Variants in TRPV1 observed in about 807,000 individuals in gnomAD.
TRPV1 encodes OTRPC1.
TRPV1 carries 82 observed loss-of-function variants against 82.3 expected under a neutral mutation model. The ratio of observed to expected loss-of-function variants is 1.00; its 90% CI spans 0.83 to 1.20. The LOEUF is 1.20. Among genes scored for constraint, TRPV1 ranks in the 50% most tolerant of loss-of-function variants. TRPV1 has a pLI of 0.00. For synonymous variants in TRPV1, 515 were observed against 467.7 expected (o/e 1.10, Z -1.30); for missense variants, 1,067 against 1,096.8 (o/e 0.97, Z 0.38).
chr17:3,582,665 A>G (rs1379995361), intron 10 of TRPV1, among the ~76,000 whole-genome samples: 1 of 152,100 alleles, frequency 6.6e-6, no homozygotes, highest in African/African-American at 2.4e-5. Context: ...GGTTAAAAAT[A>G]AAACAATTCC....
rs2150818331 is a variant in TRPV1 at position 3,565,775 on chromosome 17, A to C, written c.*1040T>G. ...ACCACCCGGGCAGGTAAGAGGAGCA[A>C]GCACGGCACAGAGAGGAAGGGCCTC... On this transcript the variant is annotated 3_prime_UTR_variant, in exon 17 of 17. Coordinates refer to ENST00000572705, the MANE Select transcript of TRPV1 (RefSeq NM_080704.4). 1 of 152,434 alleles carries C rather than the reference A, an allele frequency of 6.6e-6. No individual in the cohort carries two copies. The highest frequency in any genetic ancestry group is 2.4e-5 in the African/African-American group (1 of 41,582). The allele number at this position is 152,434 out of a possible 1,614,324, so 9.4% of individuals were successfully genotyped here.
chr17:3,595,036 T>C (rs1419796318), intron 2 of TRPV1, among the ~76,000 whole-genome samples: 4 of 152,038 alleles, frequency 2.6e-5, no homozygotes, highest in Non-Finnish European at 5.9e-5. Context: ...TTTGGAAGCC[T>C]GGGGGGCCGG....
Position 3,588,292 on chromosome 17 carries a change from C to A in TRPV1, c.1120G>T (p.Ala374Ser). ...AGCGAGGAGTGCACGGGCCCGTAGG[C>A]CCACTCGGTGAACTTCCTGGACAGG... ...RHLSRKFTEW[A>S]YGPVHSSLYD... Residue 374 changes from alanine to serine, a missense_variant, in exon 8 of 17, where the codon GCC becomes TCC. Coordinates refer to ENST00000572705, the MANE Select transcript of TRPV1 (RefSeq NM_080704.4). 1 of 1,575,826 alleles carries A rather than the reference C, an allele frequency of 6.3e-7. No homozygotes were observed. The highest frequency in any genetic ancestry group is 8.6e-7 in the Non-Finnish European group (1 of 1,161,328).
Position 3,590,303 on chromosome 17 carries a change from C to T in TRPV1, c.694G>A (p.Ala232Thr), listed in dbSNP as rs755798204. 1.2e-6 allele frequency: 2 copies of T among 1,614,000 alleles called. No homozygotes were observed. The highest frequency in any genetic ancestry group is 2.2e-5 in the East Asian group (1 of 44,884). ...GTTTTCTTAAAGAAGTCCCCATGGG[C>T]CGCAGCCTGGACGTCTGCTCCGTTC... is the stretch of plus-strand genomic sequence containing the variant. ...VENGADVQAA[A>T]HGDFFKKTKG... Residue 232 changes from alanine (A) to threonine (T), a missense_variant, in exon 6 of 17, where the codon GCC becomes ACC. By Grantham distance (58) the Ala-to-Thr change is moderately conservative. Transcript: ENST00000572705.
chr17:3,588,669 C>G (rs918392806), intron 7 of TRPV1, among the ~76,000 whole-genome samples: 2 of 152,026 alleles, frequency 1.3e-5, no homozygotes, highest in Non-Finnish European at 2.9e-5. Context: ...AAAAAATTAG[C>G]CGGGCATGGT....
At chr17:3,609,164 G>A (rs1176556831) in intron 1 of TRPV1, 145 bp downstream of exon 1, 3 of 152,230 alleles carry the variant, frequency 2.0e-5, no homozygotes, top group Non-Finnish European at 2.9e-5. Flanking sequence ...GGGATTACAG[G>A]CGGGAGCCAA....
chr17:3,585,793 G>A lies in TRPV1; in HGVS notation c.1358C>T (p.Ala453Val). 6.2e-7 allele frequency: 1 copy of A among 1,613,668 alleles called. No homozygotes were observed. The highest frequency in any genetic ancestry group is 8.5e-7 in the Non-Finnish European group (1 of 1,179,778). The stretch of plus-strand genomic sequence containing the variant: ...CAAGCCATCCACGGGCCTGTAGTAG[G>A]CAGCCATGGTGAAGATGATCATGTA... ...CLYMIIFTMAAYYRPVDGLPP... is the reference protein window; with the variant it reads ...CLYMIIFTMAVYYRPVDGLPP... Residue 453 changes from alanine (A) to valine (V), a missense_variant, in exon 9 of 17, where the codon GCC becomes GTC. Ala to Val is a moderately conservative substitution (Grantham distance 64). Transcript: ENST00000572705.
chr17:3,592,508 C>T (rs2150850639), intron 2 of TRPV1, 125 bp from the exon 3 acceptor site: 1 of 942,208 alleles, frequency 1.1e-6, no homozygotes, highest in Non-Finnish European at 1.5e-6. Context: ...TTGCTGCTGC[C>T]CCCAGCCCCC....
chr17:3,582,529 A>G (rs1349678708), intron 10 of TRPV1, among the ~76,000 whole-genome samples: 3 of 152,118 alleles, frequency 2.0e-5, no homozygotes, highest in Non-Finnish European at 4.4e-5. Context: ...CTTAGATTAT[A>G]TAAATATGGT....
At position 3,566,823 on chromosome 17, in the gene TRPV1, C is replaced by G. The variant is rs745703082; in HGVS notation, c.2512G>C (p.Glu838Gln). ...EVFKSPAASG[E>Q]K Reference sequence around the variant, plus strand: ...CTGTCTGCGTGACGTCCTCACTTCTCCCCGGAAGCGGCAGGACTCTTGAAG... The same window carrying G: ...CTGTCTGCGTGACGTCCTCACTTCTGCCCGGAAGCGGCAGGACTCTTGAAG... The change falls in exon 17 of 17, where the codon GAG becomes CAG. Residue 838 changes from glutamate (E) to glutamine (Q), a missense_variant. Coordinates refer to ENST00000572705, the MANE Select transcript of TRPV1 (RefSeq NM_080704.4). 6 of 1,613,744 alleles carry G rather than the reference C, an allele frequency of 3.7e-6. No homozygotes were observed. The South Asian group carries it at 5.5e-5, about 15-fold the overall frequency.
rs35781190 is a variant in TRPV1, at chr17:3,576,653, GAAAAA to G, written c.1780+468_1780+472del. On this transcript the variant is annotated intron_variant, in intron 13 of 16. Transcript: ENST00000572705. ...GGCAAGAGAGCTAGACTCTGTATGA[GAAAAA>G]AAAAAAAAAAATATATATATATATA... Among the ~76,000 whole-genome samples, 5 of 41,490 alleles carry G rather than the reference GAAAAA, an allele frequency of 1.2e-4. 1 individual carries two copies. Among genetic ancestry groups the G allele is most frequent in the African/African-American group, 3.7e-4 (5 of 13,622 alleles). The allele number at this position is 41,490 out of a possible 152,430, so 27.2% of individuals were successfully genotyped here.
At chr17:3,593,687 CCACA>C (rs755201287) in intron 2 of TRPV1, among the ~76,000 whole-genome samples, 1 of 152,204 alleles carries the variant, frequency 6.6e-6, no homozygotes, top group Non-Finnish European at 1.5e-5. Flanking sequence ...CCGCTGTCCT[CCACA>C]CAGTGGCCCA....
At chr17:3,576,677 A>ATATATATATATG (rs61265637) in intron 13 of TRPV1, among the ~76,000 whole-genome samples, 3,542 of 94,986 alleles carry the variant, frequency 0.037, 144 homozygotes, top group African/African-American at 0.042. Flanking sequence ...AAATATATAT[A>ATATATATATATG]TATATATATA....
chr17:3,571,174 A>T lies in TRPV1; in HGVS notation c.2347+350T>A, dbSNP rs137896910. ...TAGGACGTCGCATGCACACGTGCAG[A>T]GTGAGGAACAGGGCTGAGGAGGCAG... On this transcript the variant is annotated intron_variant, in intron 16 of 16. Coordinates refer to ENST00000572705, the MANE Select transcript of TRPV1 (RefSeq NM_080704.4). Among the ~76,000 whole-genome samples, 207 of 152,296 alleles carry T rather than the reference A, an allele frequency of 1.4e-3. 4 individuals carry two copies. In the East Asian group the frequency reaches 0.03, roughly 22 times the overall value.
At chr17:3,600,593 A>G (rs1394977753) in intron 2 of TRPV1, among the ~76,000 whole-genome samples, 1 of 152,190 alleles carries the variant, frequency 6.6e-6, no homozygotes, top group Non-Finnish European at 1.5e-5. Context: ...CATTTAAAAA[A>G]AACAAAACGA....
chr17:3,578,101 G>A (rs1255698608), intron 11 of TRPV1: 5 of 186,340 alleles, frequency 2.7e-5, no homozygotes, highest in East Asian at 2.4e-4. Context: ...TCAGGAGTTC[G>A]AGGCCAGCCT....
At chr17:3,588,452 G>C in intron 7 of TRPV1, 85 bp from the exon 8 acceptor site, 2 of 1,459,760 alleles carry the variant, frequency 1.4e-6, no homozygotes, top group East Asian at 2.5e-5. Flanking sequence ...CTGCTTCCCA[G>C]CCCAGCTGGT....
At chr17:3,567,788 A>C (rs2074789504) in intron 16 of TRPV1, among the ~76,000 whole-genome samples, 1 of 151,942 alleles carries the variant, frequency 6.6e-6, no homozygotes, top group Admixed American at 6.6e-5. Flanking sequence ...AAAAAAAAAA[A>C]AGAAAAAAAT....
At chr17:3,580,225 G>A (rs946345647) in intron 11 of TRPV1, among the ~76,000 whole-genome samples, 1 of 152,298 alleles carries the variant, frequency 6.6e-6, no homozygotes, top group Non-Finnish European at 1.5e-5. Flanking sequence ...AACAAGGTCC[G>A]TCTCACTCGG....
Sources: gnomAD v4.1 joint callset for allele counts (sites outside exome capture counted in the v4.1 genomes callset) on GRCh38, gnomAD v4.1.1 for gene constraint, MANE v1.5 for transcripts, NCBI Gene and HGNC (gene_info 2026-07-23, HGNC 2026-07-21) for gene names.